The following SUPT3H variants were observed in gnomAD, a reference collection of about 807,000 sequenced individuals.
SUPT3H encodes the protein SPT3 homolog, SAGA and STAGA complex component, also known as transcription initiation protein SPT3 homolog.
SUPT3H carries 44 observed loss-of-function variants against 44.3 expected under a neutral mutation model. The observed-to-expected ratio is 0.99, with a 90% CI of 0.78 to 1.28. The LOEUF (loss-of-function observed/expected upper bound fraction) is 1.28, where lower values mean the gene tolerates loss of function less well. Among genes scored for constraint, SUPT3H ranks in the 50% most tolerant of loss-of-function variants. The pLI is 0.00. For synonymous variants in SUPT3H, 124 were observed against 125.6 expected (o/e 0.99, Z 0.09); for missense variants, 380 against 387.1 (o/e 0.98, Z 0.15).
chr6:45,257,594 T>A (rs9395086), intron 2 of SUPT3H, among the ~76,000 whole-genome samples: 60,233 of 152,048 alleles, frequency 0.4, 12,341 homozygotes, highest in East Asian at 0.71. Flanking sequence ...TACCACAGAC[T>A]GGGTAATTTA....
chr6:45,092,809 C>G (rs1446401862), intron 3 of SUPT3H, among the ~76,000 whole-genome samples: 2 of 149,658 alleles, frequency 1.3e-5, no homozygotes, highest in Non-Finnish European at 3.0e-5. Flanking sequence ...AATATAAATA[C>G]CTTTTGAATT....
At chr6:45,354,430 G>A (rs1467271740) in intron 2 of SUPT3H, among the ~76,000 whole-genome samples, 1 of 152,110 alleles carries the variant, frequency 6.6e-6, no homozygotes, top group Non-Finnish European at 1.5e-5. Context: ...ACACCCCAAA[G>A]TGTATGCCTC....
chr6:45,262,868 C>T (rs1584556850), intron 2 of SUPT3H, among the ~76,000 whole-genome samples: 1 of 151,954 alleles, frequency 6.6e-6, no homozygotes. Context: ...ATACAAACAG[C>T]CAACAAATAT....
At chr6:44,830,512 A>G (rs1376913040) in intron 10 of SUPT3H, among the ~76,000 whole-genome samples, 2 of 152,196 alleles carry the variant, frequency 1.3e-5, no homozygotes, top group Non-Finnish European at 2.9e-5. Flanking sequence ...TCTAAGTGCA[A>G]TAATTAATAC....
At chr6:44,937,398 G>A (rs1002079068) in intron 9 of SUPT3H, among the ~76,000 whole-genome samples, 2 of 151,966 alleles carry the variant, frequency 1.3e-5, no homozygotes, top group Non-Finnish European at 2.9e-5. Flanking sequence ...GGAGGCTGAG[G>A]CAAGGGAATC....
intron 10 of SUPT3H, among the ~76,000 whole-genome samples, chr6:44,892,109 T>C (rs940048991): frequency 1.3e-5 from 2 of 152,148 alleles, no homozygotes; most frequent in African/African-American, 4.8e-5. Context: ...AGAGAATGTC[T>C]AGAGTGAAAT....
chr6:45,232,873 C>A (rs1334784625), intron 2 of SUPT3H, among the ~76,000 whole-genome samples: 1 of 152,148 alleles, frequency 6.6e-6, no homozygotes, highest in African/African-American at 2.4e-5. Context: ...AAAGCTAACC[C>A]TCCAGTTCGC....
At chr6:44,933,516 A>G (rs756685386) in intron 9 of SUPT3H, among the ~76,000 whole-genome samples, 8 of 152,220 alleles carry the variant, frequency 5.3e-5, no homozygotes, top group Non-Finnish European at 1.2e-4. Flanking sequence ...AAGATACATA[A>G]TATCTCGGGC....
At chr6:45,117,246 A>G (rs1800978353) in intron 2 of SUPT3H, among the ~76,000 whole-genome samples, 1 of 152,160 alleles carries the variant, frequency 6.6e-6, no homozygotes, top group Non-Finnish European at 1.5e-5. Flanking sequence ...CCAATAATCA[A>G]CACTTTGTGG....
chr6:45,271,984 T>C (rs940765494), intron 2 of SUPT3H, among the ~76,000 whole-genome samples: 1 of 152,206 alleles, frequency 6.6e-6, no homozygotes, highest in African/African-American at 2.4e-5. Flanking sequence ...ACAGGGCCTG[T>C]AGCCCCTTTG....
At chr6:44,845,417 G>C (rs1206758745) in intron 10 of SUPT3H, among the ~76,000 whole-genome samples, 3 of 152,106 alleles carry the variant, frequency 2.0e-5, no homozygotes, top group African/African-American at 7.2e-5. Flanking sequence ...CCTTGATAAA[G>C]GTATATGAAG....
intron 7 of SUPT3H, among the ~76,000 whole-genome samples, chr6:44,960,147 A>T (rs1214551458): frequency 6.6e-6 from 1 of 152,136 alleles, no homozygotes; most frequent in Non-Finnish European, 1.5e-5. Flanking sequence ...ATAGTTTATT[A>T]TTGAGTTAAA....
intron 2 of SUPT3H, among the ~76,000 whole-genome samples, chr6:45,234,649 T>G (rs1768754896): frequency 6.6e-6 from 1 of 152,162 alleles, no homozygotes; most frequent in Admixed American, 6.5e-5. Flanking sequence ...ACTGCTGCAA[T>G]TTTTAAAAAC....
intron 6 of SUPT3H, among the ~76,000 whole-genome samples, chr6:45,000,843 G>C (rs1781922535): frequency 6.6e-6 from 1 of 151,918 alleles, no homozygotes; most frequent in Non-Finnish European, 1.5e-5. Flanking sequence ...TTGCTCTCTT[G>C]TTTACTTTTA....
At chr6:45,329,827 CACTT>C (rs955352546) in intron 2 of SUPT3H, among the ~76,000 whole-genome samples, 9 of 152,020 alleles carry the variant, frequency 5.9e-5, no homozygotes, top group Admixed American at 4.6e-4. Flanking sequence ...TATCTAAACA[CACTT>C]ACAAGATTCT....
chr6:45,006,210 CCTTT>C (rs1484538618), intron 5 of SUPT3H, among the ~76,000 whole-genome samples: 2 of 151,892 alleles, frequency 1.3e-5, no homozygotes, highest in African/African-American at 2.4e-5. Context: ...TTATTTATAA[CCTTT>C]CTTTATGTTC....
At chr6:45,198,664 A>G (rs1816486602) in intron 2 of SUPT3H, among the ~76,000 whole-genome samples, 1 of 151,368 alleles carries the variant, frequency 6.6e-6, no homozygotes, top group East Asian at 1.9e-4. Flanking sequence ...AATTTTTAAG[A>G]AAATTAGTTT....
chr6:45,066,935 C>CT (rs1793440776), intron 3 of SUPT3H, among the ~76,000 whole-genome samples: 1 of 145,436 alleles, frequency 6.9e-6, no homozygotes, highest in Non-Finnish European at 1.5e-5. Flanking sequence ...CTACCAATGA[C>CT]TTTCCTCACA....
intron 11 of SUPT3H, among the ~76,000 whole-genome samples, chr6:44,816,098 C>T (rs750542057): frequency 1.6e-4 from 24 of 151,844 alleles, no homozygotes; most frequent in Non-Finnish European, 2.9e-4. Context: ...CATTTGGAAA[C>T]GAATCAACAC....
Sources: gnomAD v4.1 joint callset for allele counts (sites outside exome capture counted in the v4.1 genomes callset) on GRCh38, gnomAD v4.1.1 for gene constraint, MANE v1.5 for transcripts, NCBI Gene and HGNC (gene_info 2026-07-23, HGNC 2026-07-21) for gene names.